BAIAP3: variants seen among roughly 807,000 people sequenced by gnomAD.
BAIAP3 encodes BAI1 associated protein 3.
In BAIAP3, 180 loss-of-function variants were observed where a neutral mutation model predicts 149.7. The observed-to-expected ratio is 1.20, with a 90% CI of 1.07 to 1.36. The LOEUF (loss-of-function observed/expected upper bound fraction) is 1.36, where lower values mean the gene tolerates loss of function less well. Among genes scored for constraint, BAIAP3 ranks in the 40% most tolerant of loss-of-function variants. The pLI is 0.00. For missense variants in BAIAP3, 1,767 were observed against 1,563.4 expected, an observed-to-expected ratio of 1.13 and a Z score of -2.20; for synonymous variants, 845 against 670.7, an observed-to-expected ratio of 1.26 and a Z score of -4.02.
chr16:1,337,450 G>C (rs764258547), intron 1 of BAIAP3, among the ~76,000 whole-genome samples: 1 of 152,252 alleles, frequency 6.6e-6, no homozygotes, highest in Non-Finnish European at 1.5e-5. Context: ...CCTGGAAGGC[G>C]GAGGTTGCGG....
In BAIAP3 at chr16:1,347,820, C is replaced by T. The variant is rs1288398634; in HGVS notation, c.3024C>T (p.Asn1008=). 1.3e-5 allele frequency: 20 copies of T among 1,585,718 alleles called. No individual in the cohort carries two copies. The highest frequency in any genetic ancestry group is 3.3e-5 in the South Asian group (3 of 90,286). ...CGGACCTGCTCCCCCTGGACGCCAA[C>T]GGTGAGTTGCAGCGGGGACGGGTCG... The part of the protein sequence containing the change: ...HAADLLPLDA[N]GLSDPFVIVE... Residue 1008 remains asparagine (N), a splice_region_variant and synonymous_variant, in exon 31 of 34, where the codon AAC becomes AAT. Transcript: ENST00000426824.
Position 1,347,977 on chromosome 16 carries a change from A to G in BAIAP3, c.3109A>G (p.Thr1037Ala). 1 of 1,611,512 alleles carries G rather than the reference A, an allele frequency of 6.2e-7. No individual in the cohort carries two copies. Among genetic ancestry groups the G allele is most frequent in the Non-Finnish European group, 8.5e-7 (1 of 1,179,932 alleles). ...CCGCAGCCAGAGGACCCAGGTGAAG[A>G]CCCGGACGCTGCACCCTGTATACGA... Reference protein sequence around the residue: ...LVRSQRTQVKTRTLHPVYDEL... With the variant: ...LVRSQRTQVKARTLHPVYDEL... Residue 1037 changes from threonine to alanine, a missense_variant, in exon 32 of 34, where the codon ACC (threonine) becomes GCC (alanine). By Grantham distance (58) the Thr-to-Ala change is moderately conservative. Coordinates refer to ENST00000426824, the MANE Select transcript of BAIAP3 (RefSeq NM_001199097.2).
chr16:1,340,691 C>T (rs1196721704), intron 5 of BAIAP3, among the ~76,000 whole-genome samples: 2 of 152,236 alleles, frequency 1.3e-5, no homozygotes, highest in East Asian at 3.8e-4. Flanking sequence ...CTCCCGTGGC[C>T]CCCATTCCCA....
In BAIAP3 at chr16:1,347,538, C is replaced by A. The variant is rs749741496; in HGVS notation, c.2824-7C>A. The A allele has an allele frequency of 1.9e-6, 3 of 1,601,860 alleles. No individual in the cohort carries two copies. Among genetic ancestry groups the A allele is most frequent in the Non-Finnish European group, 2.6e-6 (3 of 1,175,342 alleles). Reference sequence around the variant, plus strand: ...AGGGGCCCCTCCTGATGCGCTTCCCCCTGCAGAGGCTGAAGGAGGAGCTGC... The same window carrying A: ...AGGGGCCCCTCCTGATGCGCTTCCCACTGCAGAGGCTGAAGGAGGAGCTGC... On this transcript the variant is annotated splice_region_variant and splice_polypyrimidine_tract_variant and intron_variant, in intron 29 of 33. Transcript: ENST00000426824.
At chr16:1,334,629 T>G in intron 1 of BAIAP3, 1 of 1,534,692 alleles carries the variant, frequency 6.5e-7, no homozygotes, top group Non-Finnish European at 8.8e-7. Context: ...CGGCAGCGCT[T>G]GTTAGAATGC....
At chr16:1,338,862 G>A (rs747892050) in intron 2 of BAIAP3, 40 bp from the exon 3 acceptor site, 13 of 1,610,694 alleles carry the variant, frequency 8.1e-6, no homozygotes, top group Non-Finnish European at 9.3e-6. Flanking sequence ...GCAGGGGCCA[G>A]CGTGCTGAGA....
intron 14 of BAIAP3, 29 bp from the exon 15 acceptor site, chr16:1,343,364 A>G: frequency 6.4e-7 from 1 of 1,569,096 alleles, no homozygotes; most frequent in Non-Finnish European, 8.6e-7. Flanking sequence ...CGGGGTTCAT[A>G]CCCTTTGACC....
At chr16:1,347,004 G>A in intron 28 of BAIAP3, 49 bp downstream of exon 28, 1 of 1,507,512 alleles carries the variant, frequency 6.6e-7, no homozygotes, top group African/African-American at 1.4e-5. Context: ...CCTCAGGGCT[G>A]CTCTGATCCC....
chr16:1,347,922 G>A lies in BAIAP3; in HGVS notation c.3054G>A (p.Glu1018=), dbSNP rs1320635620. ...TAAGTGACCCCTTTGTGATCGTGGA[G>A]CTGGGCCCACCGCATCTCTTTCCAC... ...NGLSDPFVIV[E]LGPPHLFPLV... is the part of the protein sequence containing the mutation. Residue 1018 remains glutamate (E), a synonymous_variant, in exon 32 of 34, where the codon GAG becomes GAA. Transcript: ENST00000426824. The A allele has an allele frequency of 1.2e-6, 2 of 1,612,084 alleles. No homozygotes were observed. The highest frequency in any genetic ancestry group is 1.7e-6 in the Non-Finnish European group (2 of 1,179,936).
chr16:1,346,859 C>T lies in BAIAP3; in HGVS notation c.2655C>T (p.Ala885=), dbSNP rs750913257. Residue 885 remains alanine, a synonymous_variant, in exon 28 of 34, where the codon GCC becomes GCT. Transcript: ENST00000426824. ...TGCTGCCCTGCAGGGTGCTGGAGGC[C>T]CTGTGGGAGCTACTCCTCCAGGCCA... ...VKGNLSRVLE[A]LWELLLQAIL... 1 of 1,605,334 alleles carries T rather than the reference C, an allele frequency of 6.2e-7. No homozygotes were observed. Among genetic ancestry groups the T allele is most frequent in the Non-Finnish European group, 8.5e-7 (1 of 1,178,278 alleles).
intron 2 of BAIAP3, 72 bp downstream of exon 2, chr16:1,338,752 C>T (rs1344561946): frequency 1.0e-5 from 16 of 1,567,200 alleles, no homozygotes; most frequent in Non-Finnish European, 1.4e-5. Flanking sequence ...ATGGCCGCCC[C>T]TGCCCCAGCA....
Position 1,347,585 on chromosome 16 carries a change from G to GC in BAIAP3, c.2865dup (p.Glu956ArgfsTer34). 6.2e-7 allele frequency: 1 copy of GC among 1,612,832 alleles called. No individual in the cohort carries two copies. The highest frequency in any genetic ancestry group is 1.7e-5 in the Admixed American group (1 of 59,988). On this transcript the variant is annotated frameshift_variant, in exon 30 of 34. Transcript: ENST00000426824. LOFTEE classifies it high-confidence loss of function. ...CTGCGGCTGCACAAATGTTCCACCC[G>GC]CGAGTGCATCGAGCAGTTCTACCTG...
rs755211449 is a variant in BAIAP3, at chr16:1,341,142, C to T, written c.482C>T (p.Ala161Val). ...RVRKAKAPTYALKVSVMRAKN... is the reference protein window; with the variant it reads ...RVRKAKAPTYVLKVSVMRAKN... ...CTCTGTCCACAGGCCCCCACGTATGCCCTGAAAGTCTCTGTCATGCGTGCC... is the reference window on the plus strand; with the variant it reads ...CTCTGTCCACAGGCCCCCACGTATGTCCTGAAAGTCTCTGTCATGCGTGCC... Residue 161 changes from alanine to valine, a missense_variant, in exon 7 of 34, where the codon GCC (alanine) becomes GTC (valine). Coordinates refer to ENST00000426824, the MANE Select transcript of BAIAP3 (RefSeq NM_001199097.2). 6.2e-7 allele frequency: 1 copy of T among 1,612,662 alleles called. No homozygotes were observed. The highest frequency in any genetic ancestry group is 8.5e-7 in the Non-Finnish European group (1 of 1,179,792).
intron 14 of BAIAP3, 34 bp downstream of exon 14, chr16:1,343,050 G>A (rs751131467): frequency 5.1e-6 from 8 of 1,581,150 alleles, no homozygotes; most frequent in East Asian, 2.3e-5. Flanking sequence ...GGCGGGGAAT[G>A]TGGGCGGGCG....
chr16:1,339,126 C>T, intron 3 of BAIAP3, 38 bp from the exon 4 acceptor site: 1 of 1,571,460 alleles, frequency 6.4e-7, no homozygotes, highest in African/African-American at 1.4e-5. Context: ...TGGGGCTCTC[C>T]CTGCCGTCAG....
chr16:1,334,856 A>G, intron 1 of BAIAP3: 1 of 1,188,126 alleles, frequency 8.4e-7, no homozygotes, highest in Non-Finnish European at 1.2e-6. Flanking sequence ...AGAGAAGACC[A>G]AGAGGGCAGC....
Position 1,341,693 on chromosome 16 carries a change from T to G in BAIAP3, c.732-129T>G, listed in dbSNP as rs1167300824. ...TGGCAACACCTGGCGGGATCAGGAT[T>G]TGGACCTGAACAGCCTGTCTGGAGA... On this transcript the variant is annotated intron_variant, in intron 8 of 33. Transcript: ENST00000426824. 3 of 1,215,812 alleles carry G rather than the reference T, an allele frequency of 2.5e-6. No individual in the cohort carries two copies. In the Admixed American group the frequency reaches 6.6e-5, roughly 27 times the overall value. The allele number at this position is 1,215,812 out of a possible 1,614,324, so 75.3% of individuals were successfully genotyped here. A position where few individuals can be genotyped will look rare whatever the true frequency, so the allele number is the denominator to read the frequency against.
chr16:1,347,040 G>A (rs2034425703), intron 28 of BAIAP3, 85 bp downstream of exon 28: 13 of 1,302,800 alleles, frequency 1.0e-5, no homozygotes, highest in Non-Finnish European at 1.3e-5. Context: ...TGGCCTGCCT[G>A]GTCTCCTGTG....
chr16:1,339,361 G>C (rs1309593494), intron 4 of BAIAP3, 117 bp downstream of exon 4: 1 of 1,496,688 alleles, frequency 6.7e-7, no homozygotes, highest in Non-Finnish European at 9.0e-7. Flanking sequence ...GGGTGAGTGG[G>C]TGGGTGAGTG....
Sources: gnomAD v4.1 joint callset for allele counts (sites outside exome capture counted in the v4.1 genomes callset) on GRCh38, gnomAD v4.1.1 for gene constraint, MANE v1.5 for transcripts, NCBI Gene and HGNC (gene_info 2026-07-23, HGNC 2026-07-21) for gene names.